Variants in DUT observed in about 807,000 individuals in gnomAD.
DUT encodes the protein deoxyuridine triphosphatase, also known as deoxyuridine 5'-triphosphate nucleotidohydrolase, mitochondrial.
Under a neutral mutation model 28.8 loss-of-function variants are expected in DUT, and 21 were observed. That is an observed-to-expected ratio of 0.73 (90% confidence interval 0.52 to 1.05). The LOEUF is 1.05. Among genes scored for constraint, DUT ranks in the 50% least tolerant of loss-of-function variants. DUT has a pLI of 0.00. For synonymous variants in DUT, 147 were observed against 143.7 expected, an observed-to-expected ratio of 1.02 and a Z score of -0.17; for missense variants, 344 against 351.8, an observed-to-expected ratio of 0.98 and a Z score of 0.18.
Position 48,342,162 on chromosome 15 carries a change from T to G in DUT, c.*84T>G. On this transcript the variant is annotated 3_prime_UTR_variant, in exon 7 of 7. Coordinates refer to ENST00000331200, the MANE Select transcript of DUT (RefSeq NM_001025248.2). ...AGTTTTTGCTTCAAGTGTTTTGGTGTTTTGCACTTCTGTAAACTTACTAGC... is the reference window on the plus strand; with the variant it reads ...AGTTTTTGCTTCAAGTGTTTTGGTGGTTTGCACTTCTGTAAACTTACTAGC... 3 of 1,021,140 alleles carry G rather than the reference T, an allele frequency of 2.9e-6. No homozygotes were observed. The highest frequency in any genetic ancestry group is 4.1e-6 in the Non-Finnish European group (3 of 728,586). The allele number at this position is 1,021,140 out of a possible 1,614,324, so 63.3% of individuals were successfully genotyped here. A position where few individuals can be genotyped will look rare whatever the true frequency, so the allele number is the denominator to read the frequency against.
At chr15:48,341,909 A>AGAT (rs1429382537) in intron 6 of DUT, 113 bp from the exon 7 acceptor site, 18 of 800,574 alleles carry the variant, frequency 2.2e-5, no homozygotes, top group Non-Finnish European at 3.6e-5. Flanking sequence ...CCTTTTGAAA[A>AGAT]GATGATATAG....
chr15:48,338,113 C>G (rs2042493785), intron 4 of DUT, among the ~76,000 whole-genome samples: 1 of 151,612 alleles, frequency 6.6e-6, no homozygotes, highest in South Asian at 2.1e-4. Flanking sequence ...GCAGAGAAGG[C>G]TTTTCTTGGA....
chr15:48,340,794 G>A (rs2042525621), intron 4 of DUT, among the ~76,000 whole-genome samples: 1 of 152,172 alleles, frequency 6.6e-6, no homozygotes, highest in African/African-American at 2.4e-5. Flanking sequence ...TGTAAAAATG[G>A]AATATTCTAA....
In DUT at chr15:48,342,034, A is replaced by G. The variant is rs780874489; in HGVS notation, c.715A>G (p.Thr239Ala). Residue 239 changes from threonine (T) to alanine (A), a missense_variant, in exon 7 of 7, where the codon ACC (threonine) becomes GCC (alanine). Physicochemically the swap from Thr to Ala is moderately conservative, Grantham distance 58 (BLOSUM62 0). Coordinates refer to ENST00000331200, the MANE Select transcript of DUT (RefSeq NM_001025248.2). ...TTCTATCTTTCAGGCCTTGGATGAC[A>G]CCGAAAGGGGTTCAGGAGGTTTTGG... is the stretch of plus-strand genomic sequence containing the variant. ...EIEEVQALDDTERGSGGFGST... is the reference protein window; with the variant it reads ...EIEEVQALDDAERGSGGFGST... The G allele has an allele frequency of 2.5e-6, 4 of 1,581,410 alleles. No homozygotes were observed. The highest frequency in any genetic ancestry group is 3.4e-6 in the Non-Finnish European group (4 of 1,168,390).
At position 48,342,918 on chromosome 15, in the gene DUT, A is replaced by G. The variant is rs2042556570; in HGVS notation, c.*840A>G. On this transcript the variant is annotated 3_prime_UTR_variant, in exon 7 of 7. Coordinates refer to ENST00000331200, the MANE Select transcript of DUT (RefSeq NM_001025248.2). ...CAGCCACCAGGTTTTTCTGTCTCAC[A>G]TACATAAGCAGCATTTCATTGCAGA... 1 of 152,236 alleles carries G rather than the reference A, an allele frequency of 6.6e-6. No individual in the cohort carries two copies. The highest frequency in any genetic ancestry group is 6.5e-5 in the Admixed American group (1 of 15,272). The allele number at this position is 152,236 out of a possible 1,614,324, so 9.4% of individuals were successfully genotyped here. A position where few individuals can be genotyped will look rare whatever the true frequency, so the allele number is the denominator to read the frequency against.
intron 3 of DUT, among the ~76,000 whole-genome samples, chr15:48,335,479 G>A (rs2042465690): frequency 6.6e-6 from 1 of 152,036 alleles, no homozygotes; most frequent in Non-Finnish European, 1.5e-5. Context: ...GTTTCCTACA[G>A]GCATGTCTTT....
In DUT at chr15:48,342,061, TC is replaced by T; in HGVS notation, c.744del (p.Thr249LeufsTer20). Reference protein sequence around the residue: ...DTERGSGGFGSTGKN With the variant: ...DTERGSGGFGXTGKN ...CGAAAGGGGTTCAGGAGGTTTTGGT[TC>T]CACTGGAAAGAATTAAAATTTATGC... is the stretch of plus-strand genomic sequence containing the variant. On this transcript the variant is annotated frameshift_variant, in exon 7 of 7. Transcript: ENST00000331200. LOFTEE classifies it high-confidence loss of function. 1 of 1,575,666 alleles carries T rather than the reference TC, an allele frequency of 6.3e-7. No homozygotes were observed. Among genetic ancestry groups the T allele is most frequent in the Non-Finnish European group, 8.6e-7 (1 of 1,164,882 alleles).
At chr15:48,336,402 G>C (rs1410077034) in intron 4 of DUT, among the ~76,000 whole-genome samples, 1 of 152,132 alleles carries the variant, frequency 6.6e-6, no homozygotes, top group Non-Finnish European at 1.5e-5. Flanking sequence ...TCATAAGAGA[G>C]CTATCTGTCT....
At chr15:48,337,160 T>G (rs1191310740) in intron 4 of DUT, among the ~76,000 whole-genome samples, 1 of 152,136 alleles carries the variant, frequency 6.6e-6, no homozygotes, top group Admixed American at 6.5e-5. Context: ...AAGTACACCC[T>G]TTAGGGACTA....
In DUT at chr15:48,342,865, T is replaced by C. The variant is rs1945441522; in HGVS notation, c.*787T>C. 6.6e-6 allele frequency: 1 copy of C among 152,210 alleles called. No individual in the cohort carries two copies. The highest frequency in any genetic ancestry group is 2.4e-5 in the African/African-American group (1 of 41,462). The allele number at this position is 152,210 out of a possible 1,614,324, so 9.4% of individuals were successfully genotyped here. The stretch of plus-strand genomic sequence containing the variant: ...TGTAATCAAGAAAATATGCCATTTA[T>C]AGAGATAAGATAAATGAAATAATAC... On this transcript the variant is annotated 3_prime_UTR_variant, in exon 7 of 7. Transcript: ENST00000331200.
At chr15:48,332,093 C>G (rs1458797160) in intron 1 of DUT, 175 bp from the exon 2 acceptor site, 1 of 1,330,926 alleles carries the variant, frequency 7.5e-7, no homozygotes. Flanking sequence ...TGAATCCCGC[C>G]TCCCCTCTCA....
intron 4 of DUT, among the ~76,000 whole-genome samples, chr15:48,339,961 A>G (rs931354721): frequency 9.2e-5 from 14 of 152,108 alleles, no homozygotes; most frequent in African/African-American, 3.4e-4. Flanking sequence ...CCATTATATG[A>G]GAAAATTGAA....
At position 48,334,479 on chromosome 15, in the gene DUT, C is replaced by T. The variant is rs751398863; in HGVS notation, c.482C>T (p.Ala161Val). The T allele has an allele frequency of 4.3e-6, 7 of 1,611,166 alleles. No individual in the cohort carries two copies. Among genetic ancestry groups the T allele is most frequent in the African/African-American group, 2.7e-5 (2 of 74,868 alleles). Reference sequence around the variant, plus strand: ...GTTGTGAAAACGGACATTCAGATAGCGCTCCCTTCTGGGTGTTATGGAAGA... The same window carrying T: ...GTTGTGAAAACGGACATTCAGATAGTGCTCCCTTCTGGGTGTTATGGAAGA... ...KAVVKTDIQIALPSGCYGRVA... is the reference protein window; with the variant it reads ...KAVVKTDIQIVLPSGCYGRVA... The change falls in exon 3 of 7, where the codon GCG (alanine) becomes GTG (valine). Residue 161 changes from alanine to valine, a missense_variant. Transcript: ENST00000331200.
intron 3 of DUT, among the ~76,000 whole-genome samples, chr15:48,334,987 T>C (rs1327650612): frequency 6.6e-6 from 1 of 152,206 alleles, no homozygotes; most frequent in Admixed American, 6.5e-5. Context: ...GAGCGTAAGT[T>C]CTTTTTGACT....
intron 3 of DUT, 131 bp downstream of exon 3, chr15:48,334,639 G>C (rs1464938214): frequency 1.8e-6 from 1 of 564,150 alleles, no homozygotes; most frequent in South Asian, 3.1e-5. Flanking sequence ...ATTTGTGATA[G>C]CAAATGCACT....
chr15:48,331,773 G>T lies in DUT; in HGVS notation c.258G>T (p.Gly86=). ...AGWKGELPKA[G]GSPAPGPETP... ...GGAAGGGCGAGCTTCCTAAGGCGGG[G>T]GGAAGCCCGGCGCCGGGGCCGGGTA... The change falls in exon 1 of 7, where the codon GGG becomes GGT. Residue 86 remains glycine (G), a synonymous_variant. Transcript: ENST00000331200. The T allele has an allele frequency of 7.2e-7, 1 of 1,387,914 alleles. No individual in the cohort carries two copies. 86.0% of individuals were successfully genotyped at this position (1,387,914 alleles called of 1,614,324 possible). A position where few individuals can be genotyped will look rare whatever the true frequency, so the allele number is the denominator to read the frequency against.
chr15:48,332,733 C>T, intron 2 of DUT: 1 of 557,234 alleles, frequency 1.8e-6, no homozygotes. Context: ...AATAGAAAAA[C>T]CAAGGTGAGA....
At chr15:48,331,189 C>G, upstream of DUT, 1 of 1,519,188 alleles carries the variant, frequency 6.6e-7, no homozygotes. Context: ...GGTGCCGCCC[C>G]AGGTAAATCA....
intron 4 of DUT, among the ~76,000 whole-genome samples, chr15:48,340,877 TTTTA>T (rs3837724): frequency 0.026 from 3,940 of 152,314 alleles, 71 homozygotes; most frequent in East Asian, 0.074. Context: ...TTTTTGACAT[TTTTA>T]TTTATGACTC....
Sources: gnomAD v4.1 joint callset for allele counts (sites outside exome capture counted in the v4.1 genomes callset) on GRCh38, gnomAD v4.1.1 for gene constraint, MANE v1.5 for transcripts, NCBI Gene and HGNC (gene_info 2026-07-23, HGNC 2026-07-21) for gene names.